Variants in DSCAML1 observed in about 807,000 individuals in gnomAD.
DSCAML1 encodes the protein DS cell adhesion molecule like 1.
In DSCAML1, 38 loss-of-function variants were observed where a neutral mutation model predicts 200.5. The observed-to-expected ratio is 0.19, with a 90% CI of 0.15 to 0.25. The LOEUF (loss-of-function observed/expected upper bound fraction) is 0.25, where lower values mean the gene tolerates loss of function less well. Among genes scored for constraint, DSCAML1 ranks in the 10% least tolerant of loss-of-function variants. The probability of loss-of-function intolerance (pLI) is 1.00; values close to 1 mark genes in which losing one functional copy is unlikely to be tolerated. For missense variants in DSCAML1, 2,223 were observed against 2,858.8 expected, an observed-to-expected ratio of 0.78 and a Z score of 5.07; for synonymous variants, 1,215 against 1,165.0, an observed-to-expected ratio of 1.04 and a Z score of -0.87.
intron 3 of DSCAML1, among the ~76,000 whole-genome samples, chr11:117,639,367 G>A (rs1371001901): frequency 6.7e-6 from 1 of 148,620 alleles, no homozygotes; most frequent in African/African-American, 2.5e-5. Flanking sequence ...TGGATGGGAG[G>A]CCGGATGGGT....
intron 3 of DSCAML1, among the ~76,000 whole-genome samples, chr11:117,551,983 A>G (rs2050474921): frequency 6.7e-6 from 1 of 148,526 alleles, no homozygotes; most frequent in Non-Finnish European, 1.5e-5. Flanking sequence ...ATGTCTTATC[A>G]GACTCATTAT....
chr11:117,443,904 T>C lies in DSCAML1; in HGVS notation c.3844A>G (p.Ile1282Val), dbSNP rs199982180. The C allele has an allele frequency of 3.5e-5, 57 of 1,608,864 alleles. No individual in the cohort carries two copies. In the East Asian group the frequency reaches 5.8e-4, roughly 16 times the overall value. Residue 1282 changes from isoleucine to valine, a missense_variant, in exon 21 of 33, where the codon ATC (isoleucine) becomes GTC (valine). Around this residue, in one of 7 missense-constraint regions of DSCAML1, gnomAD observed 614 missense variants for 739.1 expected, o/e 0.83. Transcript: ENST00000651296. ...TTCTCACCCTTGCCAGCAGGCTCGA[T>C]GGTCACCTTCTCGCTGCTGTTGCCC... ...GRGNSSEKVT[I>V]EPAGKAPAKI...
chr11:117,736,891 T>C (rs1448125176), intron 3 of DSCAML1, among the ~76,000 whole-genome samples: 2 of 152,228 alleles, frequency 1.3e-5, no homozygotes, highest in Non-Finnish European at 2.9e-5. Flanking sequence ...GCTGTTGCAA[T>C]GTGGGCAAGT....
intron 16 of DSCAML1, among the ~76,000 whole-genome samples, chr11:117,465,740 TATTGAATG>T (rs1288664480): frequency 7.9e-6 from 1 of 125,864 alleles, no homozygotes; most frequent in African/African-American, 3.1e-5. Context: ...CCTCAATACA[TATTGAATG>T]AATGAATGAA....
rs55895406 is a variant in DSCAML1 at position 117,816,806 on chromosome 11, T to A, written c.-250+584A>T. On this transcript the variant is annotated intron_variant, in intron 1 of 2. Coordinates refer to the DSCAML1 transcript ENST00000525836. ...AGAGAGTTCGGAATTGCTGGGGGGG[T>A]GGGGTGGAGATTTCTCCTGATGCCC... Among the ~76,000 whole-genome samples, 27 of 145,256 alleles carry A rather than the reference T, an allele frequency of 1.9e-4. 1 individual carries two copies. Among genetic ancestry groups the A allele is most frequent in the Middle Eastern group, 3.5e-3 (1 of 286 alleles).
rs1486955807 is a variant in DSCAML1 at position 117,428,275 on chromosome 11, G to A, written c.*53C>T. On this transcript the variant is annotated 3_prime_UTR_variant, in exon 33 of 33. Coordinates refer to ENST00000651296, the MANE Select transcript of DSCAML1 (RefSeq NM_020693.4). Reference sequence around the variant, plus strand: ...AATGCAGAAAAACAGCCGAGCTGGCGTGTGGGGCTGCGGCGCGGCGCGGTC... The same window carrying A: ...AATGCAGAAAAACAGCCGAGCTGGCATGTGGGGCTGCGGCGCGGCGCGGTC... 2.7e-5 allele frequency: 27 copies of A among 1,011,052 alleles called. No homozygotes were observed. Among genetic ancestry groups the A allele is most frequent in the South Asian group, 4.1e-5 (3 of 73,262 alleles). 62.6% of individuals were successfully genotyped at this position (1,011,052 alleles called of 1,614,324 possible).
At chr11:117,512,761 T>TCACACACACACACA (rs71037482) in intron 8 of DSCAML1, among the ~76,000 whole-genome samples, 5 of 113,158 alleles carry the variant, frequency 4.4e-5, no homozygotes, top group African/African-American at 1.8e-4. Flanking sequence ...TCCTCTAGGA[T>TCACACACACACACA]CACACACACA....
chr11:117,483,937 C>A (rs1218570870), intron 11 of DSCAML1, among the ~76,000 whole-genome samples: 1 of 151,904 alleles, frequency 6.6e-6, no homozygotes, highest in Non-Finnish European at 1.5e-5. Context: ...GAGACCAGCT[C>A]ACCCTATCCT....
At chr11:117,816,590 G>T (rs541830152) in intron 1 of DSCAML1, among the ~76,000 whole-genome samples, 1 of 152,168 alleles carries the variant, frequency 6.6e-6, no homozygotes, top group African/African-American at 2.4e-5. Flanking sequence ...GCGGAGGGAG[G>T]GTGGAAGCCT....
At chr11:117,542,544 C>T (rs1312174449) in intron 3 of DSCAML1, among the ~76,000 whole-genome samples, 2 of 152,156 alleles carry the variant, frequency 1.3e-5, no homozygotes, top group Non-Finnish European at 2.9e-5. Flanking sequence ...TATAAACTTC[C>T]CCTCCCCAAC....
At chr11:117,540,600 C>T (rs1376294130) in intron 3 of DSCAML1, among the ~76,000 whole-genome samples, 5 of 150,364 alleles carry the variant, frequency 3.3e-5, no homozygotes, top group Non-Finnish European at 5.9e-5. Context: ...TAAGTCAAGG[C>T]TATAAAAAGT....
chr11:117,611,597 A>G (rs1277803444), intron 3 of DSCAML1: 4 of 152,056 alleles, frequency 2.6e-5, no homozygotes, highest in Non-Finnish European at 2.9e-5. Flanking sequence ...TCCTCCTCCA[A>G]ACTTCTTGCC....
At chr11:117,610,852 C>G (rs892732586) in intron 3 of DSCAML1, among the ~76,000 whole-genome samples, 54 of 123,642 alleles carry the variant, frequency 4.4e-4, no homozygotes, top group African/African-American at 1.4e-3. Context: ...CCCCCCCCCC[C>G]ACAATGTGTT....
chr11:117,521,331 G>A lies in DSCAML1; in HGVS notation c.1012C>T (p.Leu338=), dbSNP rs1440947010. 1 of 1,614,064 alleles carries A rather than the reference G, an allele frequency of 6.2e-7. No individual in the cohort carries two copies. The highest frequency in any genetic ancestry group is 8.5e-7 in the Non-Finnish European group (1 of 1,180,044). ...IGSTVILSCA[L]TGSPEFTIRW... Reference sequence around the variant, plus strand: ...ATGGTGAACTCTGGGGAGCCCGTCAGGGCACAGGAGAGGATGACCGTGCTG... The same window carrying A: ...ATGGTGAACTCTGGGGAGCCCGTCAAGGCACAGGAGAGGATGACCGTGCTG... The change falls in exon 6 of 33, where the codon CTG becomes TTG. Residue 338 remains leucine, a synonymous_variant. Coordinates refer to ENST00000651296, the MANE Select transcript of DSCAML1 (RefSeq NM_020693.4).
chr11:117,591,173 T>C (rs61213686), intron 3 of DSCAML1, among the ~76,000 whole-genome samples: 14,322 of 152,144 alleles, frequency 0.094, 699 homozygotes, highest in Middle Eastern at 0.15. Context: ...TTTATTCACA[T>C]ACAGAGAGCA....
chr11:117,516,316 C>T lies in DSCAML1; in HGVS notation c.1783+151G>A, dbSNP rs2049766514. On this transcript the variant is annotated intron_variant, in intron 8 of 32. Transcript: ENST00000651296. The surrounding 1 kb of genome is among the most constrained non-coding windows in gnomAD (Gnocchi z 5.7). ...CCACCCACAGTCTTCTGCCCTGCTC[C>T]CTTTTTTCTGAATGCCAAGCTGGGG... 1 of 998,018 alleles carries T rather than the reference C, an allele frequency of 1.0e-6. No homozygotes were observed. The highest frequency in any genetic ancestry group is 1.6e-5 in the African/African-American group (1 of 61,382). The allele number at this position is 998,018 out of a possible 1,614,324, so 61.8% of individuals were successfully genotyped here. A position where few individuals can be genotyped will look rare whatever the true frequency, so the allele number is the denominator to read the frequency against.
intron 3 of DSCAML1, among the ~76,000 whole-genome samples, chr11:117,730,703 G>A (rs1279776167): frequency 1.3e-5 from 2 of 152,084 alleles, no homozygotes; most frequent in Admixed American, 6.5e-5. Flanking sequence ...CCCCTCGCAG[G>A]TATCTACCAA....
chr11:117,497,793 G>A (rs2049320375), intron 11 of DSCAML1, among the ~76,000 whole-genome samples: 1 of 152,252 alleles, frequency 6.6e-6, no homozygotes, highest in Non-Finnish European at 1.5e-5. Context: ...GCAGGTGATG[G>A]CTCCCAAATC....
intron 1 of DSCAML1, among the ~76,000 whole-genome samples, chr11:117,785,254 C>G (rs1446969648): frequency 6.6e-6 from 1 of 152,096 alleles, no homozygotes; most frequent in Admixed American, 6.5e-5. Flanking sequence ...CCATATGTGA[C>G]CCGGGGGCTG....
Sources: allele counts gnomAD v4.1 joint callset (sites outside exome capture counted in the v4.1 genomes callset), GRCh38; gene constraint gnomAD v4.1.1; regional missense constraint gnomAD v4.1.1; non-coding constraint Gnocchi (gnomAD v3.1); transcripts MANE v1.5; gene names NCBI Gene and HGNC (gene_info 2026-07-23, HGNC 2026-07-21).